KLHL7: variants seen among roughly 807,000 people sequenced by gnomAD.
The protein encoded by KLHL7 is kelch-like protein 7.
A neutral mutation model predicts 67.4 loss-of-function variants in KLHL7; 44 were observed. The ratio of observed to expected loss-of-function variants is 0.65; its 90% CI spans 0.51 to 0.84. The LOEUF is 0.84. KLHL7 is among the 40% of genes least tolerant of loss of function. The pLI is 0.00. For synonymous variants in KLHL7, 252 were observed against 243.3 expected (o/e 1.04, Z -0.33); for missense variants, 362 against 718.1 (o/e 0.50, Z 5.67).
chr7:23,154,814 T>C (rs1395023482), intron 7 of KLHL7, among the ~76,000 whole-genome samples: 1 of 152,184 alleles, frequency 6.6e-6, no homozygotes, highest in Non-Finnish European at 1.5e-5. Context: ...TGGCAAGTTT[T>C]CCTGGTTATA....
rs181490681 is a variant in KLHL7, at chr7:23,106,865, C to A, written c.120+719C>A. ...AAAGAGGCTTTTTTTTTTTTTAATT[C>A]CATAACATCTACACCGATAAGCATA... On this transcript the variant is annotated intron_variant, in intron 1 of 10. Transcript: ENST00000339077. 3,298 of 920,582 alleles carry A rather than the reference C, an allele frequency of 3.6e-3. 18 individuals are homozygous for A. The highest frequency in any genetic ancestry group is 3.8e-3 in the Non-Finnish European group (2,937 of 772,570). The allele number at this position is 920,582 out of a possible 1,614,324, so 57.0% of individuals were successfully genotyped here. A position where few individuals can be genotyped will look rare whatever the true frequency, so the allele number is the denominator to read the frequency against.
rs1000185943 is a variant in KLHL7, at chr7:23,177,826, A to G, written c.*3528A>G. ...TGGCAAAAACTTGACATATCATCCC[A>G]TGAAAATTTTAAGTCATGAATTATT... On this transcript the variant is annotated 3_prime_UTR_variant, in exon 11 of 11. Transcript: ENST00000339077. 1.3e-5 allele frequency: 2 copies of G among 152,192 alleles called. No homozygotes were observed. The highest frequency in any genetic ancestry group is 4.8e-5 in the African/African-American group (2 of 41,452). 9.4% of individuals were successfully genotyped at this position (152,192 alleles called of 1,614,324 possible). A position where few individuals can be genotyped will look rare whatever the true frequency, so the allele number is the denominator to read the frequency against.
At chr7:23,152,708 A>G (rs970686960) in intron 7 of KLHL7, among the ~76,000 whole-genome samples, 19 of 152,182 alleles carry the variant, frequency 1.2e-4, no homozygotes, top group African/African-American at 3.9e-4. Flanking sequence ...TTTTCATTAC[A>G]TATCATGCCG....
intron 4 of KLHL7, among the ~76,000 whole-genome samples, chr7:23,138,300 A>T (rs2128463775): frequency 6.6e-6 from 1 of 151,554 alleles, no homozygotes; most frequent in East Asian, 2.0e-4. Flanking sequence ...CGTCTCTACT[A>T]AAAATACAAA....
intron 4 of KLHL7, among the ~76,000 whole-genome samples, chr7:23,136,576 G>A (rs1274867491): frequency 2.6e-5 from 4 of 152,196 alleles, no homozygotes; most frequent in Non-Finnish European, 5.9e-5. Context: ...GATACCCTTG[G>A]AGTATTTACA....
chr7:23,131,710 T>C (rs939369284), intron 4 of KLHL7, among the ~76,000 whole-genome samples: 58 of 150,836 alleles, frequency 3.8e-4, no homozygotes, highest in African/African-American at 1.4e-3. Context: ...TGTTGTGTTA[T>C]CAAATAATAG....
At chr7:23,159,080 T>G (rs2128468315) in intron 7 of KLHL7, among the ~76,000 whole-genome samples, 1 of 152,326 alleles carries the variant, frequency 6.6e-6, no homozygotes, top group East Asian at 1.9e-4. Flanking sequence ...GAATGGAATC[T>G]AACTGGACTG....
At chr7:23,148,236 A>G (rs1784419794) in intron 6 of KLHL7, among the ~76,000 whole-genome samples, 1 of 152,208 alleles carries the variant, frequency 6.6e-6, no homozygotes, top group Non-Finnish European at 1.5e-5. Context: ...GAAAATTTTC[A>G]TAAGTGCCAA....
At position 23,146,389 on chromosome 7, in the gene KLHL7, G is replaced by T. The variant is rs146042350; in HGVS notation, c.793+2364G>T. ...GCTGTCTTCATAGATTGTGTTTTGG[G>T]GTTGCAAGTCTCTTAGTACTATCAA... On this transcript the variant is annotated intron_variant, in intron 6 of 10. Transcript: ENST00000339077. 7.2e-5 allele frequency among the ~76,000 whole-genome samples: 11 copies of T among 152,192 alleles called. No homozygotes were observed. The East Asian group carries it at 1.7e-3, about 24-fold the overall frequency.
At chr7:23,124,547 T>C in intron 2 of KLHL7, 141 bp from the exon 3 acceptor site, 1 of 701,802 alleles carries the variant, frequency 1.4e-6, no homozygotes, top group South Asian at 1.5e-5. Flanking sequence ...TATAGAAATG[T>C]TGGGCTTGCT....
intron 4 of KLHL7, among the ~76,000 whole-genome samples, chr7:23,135,571 C>T (rs1783947876): frequency 6.6e-6 from 1 of 152,158 alleles, no homozygotes; most frequent in African/African-American, 2.4e-5. Flanking sequence ...ATGATATGTG[C>T]TTTCTAAAAA....
chr7:23,146,088 A>G (rs1037779665), intron 6 of KLHL7, among the ~76,000 whole-genome samples: 2 of 152,152 alleles, frequency 1.3e-5, no homozygotes, highest in African/African-American at 4.8e-5. Context: ...AGTCTGGAAC[A>G]TTTCTCTTTC....
chr7:23,122,842 A>C (rs1321131536), intron 1 of KLHL7, among the ~76,000 whole-genome samples: 1 of 152,196 alleles, frequency 6.6e-6, no homozygotes, highest in African/African-American at 2.4e-5. Context: ...TAGATTTGTA[A>C]GCGATATTTT....
chr7:23,133,715 T>C (rs1783879105), intron 4 of KLHL7, among the ~76,000 whole-genome samples: 1 of 152,232 alleles, frequency 6.6e-6, no homozygotes, highest in Admixed American at 6.5e-5. Flanking sequence ...ATTACAGGCA[T>C]GAACCACCAT....
chr7:23,143,586 C>CTT (rs57285829), intron 5 of KLHL7, among the ~76,000 whole-genome samples: 1 of 151,384 alleles, frequency 6.6e-6, no homozygotes, highest in African/African-American at 2.4e-5. Flanking sequence ...AGGAAGCTAT[C>CTT]TTTTTTTTAA....
In KLHL7 at chr7:23,177,769, CA is replaced by C. The variant is rs1188383306; in HGVS notation, c.*3475del. ...TTGTTGCTATTTGAAAAAAACAAAA[CA>C]AAACATATACTTGTGACTTTGTGGT... is the stretch of plus-strand genomic sequence containing the variant. On this transcript the variant is annotated 3_prime_UTR_variant, in exon 11 of 11. Transcript: ENST00000339077. 1 of 151,890 alleles carries C rather than the reference CA, an allele frequency of 6.6e-6. No individual in the cohort carries two copies. The highest frequency in any genetic ancestry group is 1.5e-5 in the Non-Finnish European group (1 of 67,934). The allele number at this position is 151,890 out of a possible 1,614,324, so 9.4% of individuals were successfully genotyped here.
At chr7:23,124,942 G>C in intron 3 of KLHL7, 106 bp from the exon 4 acceptor site, 1 of 1,203,008 alleles carries the variant, frequency 8.3e-7, no homozygotes, top group South Asian at 1.3e-5. Context: ...AGGACTGAAA[G>C]TTTAATTTTG....
At chr7:23,117,387 C>T (rs1389412766) in intron 1 of KLHL7, among the ~76,000 whole-genome samples, 1 of 144,052 alleles carries the variant, frequency 6.9e-6, no homozygotes, top group African/African-American at 2.6e-5. Flanking sequence ...CTGTTTTAAC[C>T]TACTCCTGAA....
In KLHL7 at chr7:23,140,857, CA is replaced by C; in HGVS notation, c.535del (p.Thr179LeufsTer12). 1 of 1,613,934 alleles carries C rather than the reference CA, an allele frequency of 6.2e-7. No homozygotes were observed. The highest frequency in any genetic ancestry group is 1.1e-5 in the South Asian group (1 of 91,078). On this transcript the variant is annotated frameshift_variant, in exon 5 of 11. Transcript: ENST00000339077. LOFTEE classifies it high-confidence loss of function. ...TTCATCAGCACTTTACTGAAGTTTA[CA>C]AAACTGATGAATTTCTTCAACTTGA... Reference protein sequence around the residue: ...FIHQHFTEVYKTDEFLQLDVK... With the variant: ...FIHQHFTEVYXTDEFLQLDVK...
Sources: allele counts gnomAD v4.1 joint callset (sites outside exome capture counted in the v4.1 genomes callset), GRCh38; gene constraint gnomAD v4.1.1; transcripts MANE v1.5; gene names NCBI Gene and HGNC (gene_info 2026-07-23, HGNC 2026-07-21).